The following ATXN2 variants were observed in gnomAD, a reference collection of about 807,000 sequenced individuals.
ATXN2 encodes the protein ataxin 2.
A neutral mutation model predicts 138.6 loss-of-function variants in ATXN2; 37 were observed. The observed-to-expected ratio is 0.27, with a 90% CI of 0.21 to 0.35. ATXN2 has a LOEUF of 0.35. Among genes scored for constraint, ATXN2 ranks in the 10% least tolerant of loss-of-function variants. ATXN2 has a pLI of 1.00. For synonymous variants in ATXN2, 549 were observed against 543.7 expected (o/e 1.01, Z -0.13); for missense variants, 1,216 against 1,480.3 (o/e 0.82, Z 2.93).
intron 1 of ATXN2, among the ~76,000 whole-genome samples, chr12:111,576,193 C>T (rs554579459): frequency 3.3e-5 from 5 of 152,188 alleles, no homozygotes; most frequent in African/African-American, 9.6e-5. Context: ...CCTATAATTC[C>T]GCCACTTTGG....
Position 111,453,359 on chromosome 12 carries a change from A to G in ATXN2, c.3439+318T>C. 1 of 1,115,708 alleles carries G rather than the reference A, an allele frequency of 9.0e-7. No individual in the cohort carries two copies. 69.1% of individuals were successfully genotyped at this position (1,115,708 alleles called of 1,614,324 possible). The stretch of plus-strand genomic sequence containing the variant: ...GTCAGACTTTTGGGACTCAGGAAGG[A>G]AAACACTGCCCTGTCCAGCCTGTCA... On this transcript the variant is annotated intron_variant, in intron 24 of 24. Transcript: ENST00000673436. The surrounding 1 kb of genome is among the most constrained non-coding windows in gnomAD (Gnocchi z 5.4).
At chr12:111,591,135 C>T (rs962703407) in intron 1 of ATXN2, among the ~76,000 whole-genome samples, 2 of 151,894 alleles carry the variant, frequency 1.3e-5, no homozygotes, top group Admixed American at 6.6e-5. Context: ...GTGATCTGCC[C>T]GCCTCGGCCT....
chr12:111,519,819 G>T, intron 8 of ATXN2, 60 bp downstream of exon 8: 1 of 1,611,822 alleles, frequency 6.2e-7, no homozygotes, highest in Non-Finnish European at 8.5e-7. Context: ...ACAATACACC[G>T]TCTCACACAG....
intron 1 of ATXN2, among the ~76,000 whole-genome samples, chr12:111,583,790 A>AAC (rs1884160516): frequency 6.7e-6 from 1 of 149,916 alleles, no homozygotes; most frequent in Non-Finnish European, 1.5e-5. Context: ...AAAAAAAAAA[A>AAC]CAGTGAACCA....
Position 111,483,188 on chromosome 12 carries a change from AACACATACACAC to A in ATXN2, c.2524+2065_2524+2076del, listed in dbSNP as rs1241435213. ...AGCAGCAAAGCAAGACCCTGTATCA[AACACATACACAC>A]ACACACACACACACACACACACACA... On this transcript the variant is annotated intron_variant, in intron 18 of 24. Coordinates refer to ENST00000673436, the MANE Select transcript of ATXN2 (RefSeq NM_001372574.1). 1.3e-3 allele frequency among the ~76,000 whole-genome samples: 155 copies of A among 119,008 alleles called. 1 individual carries two copies. The highest frequency in any genetic ancestry group is 5.1e-3 in the South Asian group (17 of 3,346). 78.1% of individuals were successfully genotyped at this position (119,008 alleles called of 152,430 possible).
Position 111,555,922 on chromosome 12 carries a change from GA to G in ATXN2, c.252-4del. ...GTCCTTTGTTACTGTTTCGACCTCTGAAAAGATTAAATATTATTTTTATTAA... is the reference window on the plus strand; with the variant it reads ...GTCCTTTGTTACTGTTTCGACCTCTGAAAGATTAAATATTATTTTTATTAA... On this transcript the variant is annotated splice_region_variant and splice_polypyrimidine_tract_variant and intron_variant, in intron 1 of 24. Transcript: ENST00000673436. 6.3e-7 allele frequency: 1 copy of G among 1,592,300 alleles called. No homozygotes were observed. The highest frequency in any genetic ancestry group is 8.6e-7 in the Non-Finnish European group (1 of 1,168,772).
intron 1 of ATXN2, among the ~76,000 whole-genome samples, chr12:111,569,848 C>T (rs1883215404): frequency 6.6e-6 from 1 of 152,048 alleles, no homozygotes; most frequent in African/African-American, 2.4e-5. Flanking sequence ...CCAACCTAGA[C>T]ACACCAAAAA....
intron 5 of ATXN2, among the ~76,000 whole-genome samples, chr12:111,534,608 C>A (rs1881040010): frequency 6.6e-6 from 1 of 152,022 alleles, no homozygotes; most frequent in Admixed American, 6.6e-5. Context: ...AAAGACACTA[C>A]ATACTGCTTC....
chr12:111,543,861 A>G (rs1054262566), intron 5 of ATXN2, among the ~76,000 whole-genome samples: 1 of 152,158 alleles, frequency 6.6e-6, no homozygotes, highest in Non-Finnish European at 1.5e-5. Flanking sequence ...GGATTGCTTG[A>G]ACCCAGGAGG....
At chr12:111,486,727 G>T in intron 16 of ATXN2, 34 bp downstream of exon 16, 1 of 1,560,628 alleles carries the variant, frequency 6.4e-7, no homozygotes, top group Non-Finnish European at 8.8e-7. Flanking sequence ...CTTTTTTTGG[G>T]ACTAGATAAC....
At chr12:111,542,574 C>T (rs1040846034) in intron 5 of ATXN2, among the ~76,000 whole-genome samples, 17 of 152,312 alleles carry the variant, frequency 1.1e-4, no homozygotes, top group South Asian at 6.2e-4. Context: ...GCAAGTGAAC[C>T]TCTCACCTCA....
intron 1 of ATXN2, among the ~76,000 whole-genome samples, chr12:111,584,262 C>T (rs1269157852): frequency 6.7e-6 from 1 of 150,112 alleles, no homozygotes; most frequent in African/African-American, 2.4e-5. Flanking sequence ...TGCTCCTGTA[C>T]TCCCAGCTAC....
At chr12:111,568,297 G>GA (rs1304384778) in intron 1 of ATXN2, among the ~76,000 whole-genome samples, 1 of 151,702 alleles carries the variant, frequency 6.6e-6, no homozygotes, top group African/African-American at 2.4e-5. Context: ...AAACTGGGGA[G>GA]AAAAAACATG....
chr12:111,562,063 G>A (rs778088695), intron 1 of ATXN2, among the ~76,000 whole-genome samples: 5 of 151,540 alleles, frequency 3.3e-5, no homozygotes, highest in East Asian at 2.0e-4. Flanking sequence ...CACCCACCTC[G>A]GCCTTCCAAA....
chr12:111,483,236 CACAA>C (rs879806854), intron 18 of ATXN2, among the ~76,000 whole-genome samples: 17 of 148,694 alleles, frequency 1.1e-4, no homozygotes, highest in African/African-American at 2.7e-4. Flanking sequence ...CACACACACA[CACAA>C]AACACCCAAA....
chr12:111,473,829 G>C (rs1472255627), intron 18 of ATXN2, among the ~76,000 whole-genome samples: 2 of 151,092 alleles, frequency 1.3e-5, no homozygotes, highest in East Asian at 3.9e-4. Flanking sequence ...AAAGATTACA[G>C]GGGACAGAAG....
intron 1 of ATXN2, among the ~76,000 whole-genome samples, chr12:111,577,627 ACT>A: frequency 1.3e-5 from 2 of 152,160 alleles, no homozygotes; most frequent in East Asian, 3.9e-4. Flanking sequence ...AGGTAAATTT[ACT>A]CTTAAAGAAA....
chr12:111,579,496 A>C (rs550700433), intron 1 of ATXN2, among the ~76,000 whole-genome samples: 56 of 151,974 alleles, frequency 3.7e-4, no homozygotes, highest in African/African-American at 1.4e-3. Flanking sequence ...TCCCAACCTT[A>C]GGTGATCCGC....
Position 111,598,846 on chromosome 12 carries a change from C to G in ATXN2, c.189G>C (p.Ser63=), listed in dbSNP as rs1254562359. The G allele has an allele frequency of 2.1e-5, 31 of 1,472,536 alleles. No individual in the cohort carries two copies. In the Admixed American group the frequency reaches 6.8e-4, roughly 32 times the overall value. The allele number at this position is 1,472,536 out of a possible 1,614,324, so 91.2% of individuals were successfully genotyped here. A position where few individuals can be genotyped will look rare whatever the true frequency, so the allele number is the denominator to read the frequency against. ...CGACCACCGAGGAGGGAGCCGTGGC[C>G]GAGGACGAGGAGACCGAGGACGAGG... ...SPSSSSVSSS[S]ATAPSSVVAA... is the part of the protein sequence containing the mutation. Residue 63 remains serine (S), a synonymous_variant, in exon 1 of 25, where the codon TCG becomes TCC. Coordinates refer to ENST00000673436, the MANE Select transcript of ATXN2 (RefSeq NM_001372574.1). This position sits in a 1 kb window ranked among gnomAD's most constrained non-coding sequence, Gnocchi z 4.5.
Sources: allele counts gnomAD v4.1 joint callset (sites outside exome capture counted in the v4.1 genomes callset), GRCh38; gene constraint gnomAD v4.1.1; non-coding constraint Gnocchi (gnomAD v3.1); transcripts MANE v1.5; gene names NCBI Gene and HGNC (gene_info 2026-07-23, HGNC 2026-07-21).